Variants in CDH2 observed in about 807,000 individuals in gnomAD.
The protein encoded by CDH2 is cadherin 2, also known as cadherin-2.
CDH2 carries 17 observed loss-of-function variants against 92.0 expected under a neutral mutation model. The observed-to-expected ratio is 0.18, with a 90% CI of 0.13 to 0.28. The LOEUF (loss-of-function observed/expected upper bound fraction) is 0.28. Among genes scored for constraint, CDH2 ranks in the 10% least tolerant of loss-of-function variants. CDH2 has a pLI of 1.00. For synonymous variants in CDH2, 419 were observed against 415.9 expected, an observed-to-expected ratio of 1.01 and a Z score of -0.09; for missense variants, 862 against 1,133.1, an observed-to-expected ratio of 0.76 and a Z score of 3.44.
At chr18:28,139,267 T>C (rs1481230989) in intron 2 of CDH2, among the ~76,000 whole-genome samples, 12 of 152,030 alleles carry the variant, frequency 7.9e-5, no homozygotes, top group Admixed American at 7.9e-4. Context: ...TCTTAGTAAG[T>C]GTCTCCCCTC....
At chr18:27,999,905 G>C (rs1202404643) in intron 7 of CDH2, among the ~76,000 whole-genome samples, 2 of 151,818 alleles carry the variant, frequency 1.3e-5, no homozygotes, top group African/African-American at 2.4e-5. Context: ...TAATGCATGA[G>C]TCTCACAAGA....
At chr18:28,091,938 T>C (rs896279303) in intron 2 of CDH2, among the ~76,000 whole-genome samples, 1 of 151,560 alleles carries the variant, frequency 6.6e-6, no homozygotes, top group African/African-American at 2.4e-5. Flanking sequence ...GTTAACAGAG[T>C]TGGCTTCTTC....
At chr18:27,977,658 C>T (rs937927911) in intron 14 of CDH2, among the ~76,000 whole-genome samples, 1 of 151,688 alleles carries the variant, frequency 6.6e-6, no homozygotes, top group Non-Finnish European at 1.5e-5. Flanking sequence ...ACAGTCATTA[C>T]CTGGCATCCA....
At chr18:28,121,913 A>G (rs2015594588) in intron 2 of CDH2, among the ~76,000 whole-genome samples, 1 of 152,112 alleles carries the variant, frequency 6.6e-6, no homozygotes, top group Non-Finnish European at 1.5e-5. Flanking sequence ...ACAAAGCTGT[A>G]CAGCCCAGAG....
chr18:27,958,229 C>A (rs1002835978), intron 15 of CDH2, among the ~76,000 whole-genome samples: 2 of 151,916 alleles, frequency 1.3e-5, no homozygotes, highest in African/African-American at 2.4e-5. Context: ...TTCTATAAGA[C>A]CATAATGAGA....
intron 14 of CDH2, among the ~76,000 whole-genome samples, chr18:27,977,408 T>C (rs1467134857): frequency 6.6e-6 from 1 of 152,112 alleles, no homozygotes; most frequent in African/African-American, 2.4e-5. Flanking sequence ...CTCTTAGTTA[T>C]TTTGTTAAAG....
chr18:28,175,387 G>A (rs2016522232), intron 1 of CDH2, among the ~76,000 whole-genome samples: 2 of 152,226 alleles, frequency 1.3e-5, no homozygotes, highest in African/African-American at 4.8e-5. Flanking sequence ...TCCAAGAAAG[G>A]GAAAAGGAAC....
intron 2 of CDH2, among the ~76,000 whole-genome samples, chr18:28,131,782 A>G (rs2015775938): frequency 6.6e-6 from 1 of 151,992 alleles, no homozygotes; most frequent in East Asian, 1.9e-4. Flanking sequence ...TTTGCAAGCT[A>G]GCATCCCATT....
intron 2 of CDH2, among the ~76,000 whole-genome samples, chr18:28,083,345 A>AG (rs1310511837): frequency 1.3e-5 from 2 of 152,200 alleles, no homozygotes; most frequent in African/African-American, 4.8e-5. Context: ...TTGATCCAAT[A>AG]GAAACATGGA....
chr18:27,992,675 C>G lies in CDH2; in HGVS notation c.1324G>C (p.Gly442Arg), dbSNP rs2012455515. The part of the protein sequence containing the change: ...AIQTDPNSND[G>R]LVTVVKPIDF... ...CTTACTTTGACCACGGTGACTAACC[C>G]GTCGTTGCTGTTTGGGTCGGTCTGG... Residue 442 changes from glycine (G) to arginine (R), a missense_variant, in exon 9 of 16, where the codon GGG becomes CGG. By Grantham distance (125) the Gly-to-Arg change is moderately radical. Around this residue, in one of 5 missense-constraint regions of CDH2, gnomAD observed 564 missense variants for 722.2 expected, o/e 0.78. Transcript: ENST00000269141. The G allele has an allele frequency of 6.2e-7, 1 of 1,612,866 alleles. No individual in the cohort carries two copies. Among genetic ancestry groups the G allele is most frequent in the Non-Finnish European group, 8.5e-7 (1 of 1,179,406 alleles).
chr18:28,156,274 T>C (rs2016208729), intron 1 of CDH2, among the ~76,000 whole-genome samples: 1 of 152,224 alleles, frequency 6.6e-6, no homozygotes, highest in Non-Finnish European at 1.5e-5. Flanking sequence ...ACAGCATTGA[T>C]GCTGGCACAG....
chr18:28,108,572 T>C (rs897797857), intron 2 of CDH2, among the ~76,000 whole-genome samples: 1 of 152,136 alleles, frequency 6.6e-6, no homozygotes, highest in East Asian at 1.9e-4. Context: ...ACCCATCCAA[T>C]TTATGAGGAA....
At chr18:28,124,719 TA>T (rs2015648643) in intron 2 of CDH2, among the ~76,000 whole-genome samples, 1 of 152,172 alleles carries the variant, frequency 6.6e-6, no homozygotes, top group African/African-American at 2.4e-5. Context: ...ACAAATAAAG[TA>T]ATTGTTTCCA....
chr18:28,006,045 G>A, intron 5 of CDH2, 52 bp from the exon 6 acceptor site: 3 of 1,375,418 alleles, frequency 2.2e-6, no homozygotes, highest in Non-Finnish European at 2.0e-6. Flanking sequence ...TCTGTGAGAA[G>A]ATAAATACAT....
At chr18:28,117,819 A>T (rs1473714151) in intron 2 of CDH2, among the ~76,000 whole-genome samples, 1 of 152,112 alleles carries the variant, frequency 6.6e-6, no homozygotes. Context: ...TAAGTTTATA[A>T]TGAAGTTAGC....
At chr18:28,022,134 T>C (rs2013426976) in intron 2 of CDH2, among the ~76,000 whole-genome samples, 1 of 151,990 alleles carries the variant, frequency 6.6e-6, no homozygotes. Flanking sequence ...TGAAAAAAAA[T>C]CTGCTTAGGT....
At chr18:28,133,031 T>TC (rs951673538) in intron 2 of CDH2, among the ~76,000 whole-genome samples, 1 of 152,152 alleles carries the variant, frequency 6.6e-6, no homozygotes, top group African/African-American at 2.4e-5. Flanking sequence ...CTATATCTCT[T>TC]CCTTATCCAT....
At chr18:28,025,368 A>G (rs568502559) in intron 2 of CDH2, among the ~76,000 whole-genome samples, 12 of 151,974 alleles carry the variant, frequency 7.9e-5, no homozygotes, top group Non-Finnish European at 1.6e-4. Context: ...AATACAAAAA[A>G]TTAGCCAGGC....
chr18:28,037,919 A>T (rs1387342521), intron 2 of CDH2, among the ~76,000 whole-genome samples: 1 of 152,184 alleles, frequency 6.6e-6, no homozygotes, highest in Non-Finnish European at 1.5e-5. Context: ...ATATAAAAAA[A>T]GATGATGAAG....
Sources: allele counts gnomAD v4.1 joint callset (sites outside exome capture counted in the v4.1 genomes callset), GRCh38; gene constraint gnomAD v4.1.1; regional missense constraint gnomAD v4.1.1; transcripts MANE v1.5; gene names NCBI Gene and HGNC (gene_info 2026-07-23, HGNC 2026-07-21).